FSTL4: variants seen among roughly 807,000 people sequenced by gnomAD.
The protein encoded by FSTL4 is follistatin like 4.
Under a neutral mutation model 78.2 loss-of-function variants are expected in FSTL4, and 28 were observed. The observed-to-expected ratio is 0.36, with a 90% CI of 0.27 to 0.49. The LOEUF (loss-of-function observed/expected upper bound fraction) is 0.49, where lower values mean the gene tolerates loss of function less well. Among genes scored for constraint, FSTL4 ranks in the 20% least tolerant of loss-of-function variants. The pLI is 0.98. For synonymous variants in FSTL4, 422 were observed against 440.5 expected, an observed-to-expected ratio of 0.96 and a Z score of 0.53; for missense variants, 922 against 1,084.9, an observed-to-expected ratio of 0.85 and a Z score of 2.11.
Position 133,539,038 on chromosome 5 carries a change from G to A in FSTL4, c.160+28148C>T, listed in dbSNP as rs532527061. ...TTATATGGTGGTTCGGGGATCCACC[G>A]TGAGCAATCTAGCCGGCAAGGTGAT... On this transcript the variant is annotated intron_variant, in intron 3 of 15. Transcript: ENST00000265342. Among the ~76,000 whole-genome samples the A allele has an allele frequency of 2.0e-3, 309 of 152,222 alleles. 1 individual carries two copies. The highest frequency in any genetic ancestry group is 0.01 in the Middle Eastern group (3 of 294).
At chr5:133,522,724 G>A (rs897117078) in intron 3 of FSTL4, among the ~76,000 whole-genome samples, 2 of 152,200 alleles carry the variant, frequency 1.3e-5, no homozygotes, top group Non-Finnish European at 2.9e-5. Flanking sequence ...CTTCAGGGCT[G>A]AGGGGCTTCA....
chr5:133,665,523 G>A, the FSTL4 span, among the ~76,000 whole-genome samples: 18 of 152,164 alleles, frequency 1.2e-4, no homozygotes, highest in African/African-American at 4.1e-4. Flanking sequence ...CCTCTGCCAC[G>A]GTGCTTGCCC....
At chr5:133,482,839 T>C (rs985788868) in intron 3 of FSTL4, among the ~76,000 whole-genome samples, 1 of 152,076 alleles carries the variant, frequency 6.6e-6, no homozygotes, top group African/African-American at 2.4e-5. Flanking sequence ...CTGCATTTCC[T>C]GGGAATGATG....
At chr5:133,565,073 A>G (rs27745) in intron 3 of FSTL4, among the ~76,000 whole-genome samples, 118,848 of 152,104 alleles carry the variant, frequency 0.78, 46,579 homozygotes, top group African/African-American at 0.83. Context: ...CTGTGACTGG[A>G]AGCTTCCTCT....
At chr5:133,622,061 T>A in the FSTL4 span, among the ~76,000 whole-genome samples, 13 of 152,184 alleles carry the variant, frequency 8.5e-5, no homozygotes, top group East Asian at 3.9e-4. Context: ...CCCTCCCCCC[T>A]TATCCCTAAT....
At position 133,345,522 on chromosome 5, in the gene FSTL4, C is replaced by A. The variant is rs186229336; in HGVS notation, c.410-28870G>T. Reference sequence around the variant, plus strand: ...CATGCCTACATCGTGAATGGTATTGCCTAGGTTTTCTTCTAGGGTTTTTAC... The same window carrying A: ...CATGCCTACATCGTGAATGGTATTGACTAGGTTTTCTTCTAGGGTTTTTAC... On this transcript the variant is annotated intron_variant, in intron 4 of 15. Transcript: ENST00000265342. Among the ~76,000 whole-genome samples, 297 of 152,248 alleles carry A rather than the reference C, an allele frequency of 2.0e-3. 2 individuals are homozygous for A. Among genetic ancestry groups the A allele is most frequent in the African/African-American group, 6.8e-3 (282 of 41,532 alleles).
intron 4 of FSTL4, among the ~76,000 whole-genome samples, chr5:133,377,455 C>T (rs1755463501): frequency 2.0e-5 from 3 of 150,594 alleles, no homozygotes; most frequent in African/African-American, 7.5e-5. Context: ...AAATGGAGAG[C>T]TCTGACTGAG....
chr5:133,215,369 C>T (rs1213438500), intron 13 of FSTL4, among the ~76,000 whole-genome samples: 7 of 152,142 alleles, frequency 4.6e-5, no homozygotes, highest in Admixed American at 1.3e-4. Context: ...CATATGGTGA[C>T]GATACCCAAA....
At chr5:133,679,915 C>G in the FSTL4 span, among the ~76,000 whole-genome samples, 1 of 152,154 alleles carries the variant, frequency 6.6e-6, no homozygotes, top group African/African-American at 2.4e-5. Flanking sequence ...TGTCACTACT[C>G]TCCCAAGAAG....
chr5:133,560,054 C>T (rs1295691284), intron 3 of FSTL4, among the ~76,000 whole-genome samples: 1 of 152,216 alleles, frequency 6.6e-6, no homozygotes, highest in Non-Finnish European at 1.5e-5. Context: ...GTGTCAGGGA[C>T]AGGGGACCCT....
the FSTL4 span, among the ~76,000 whole-genome samples, chr5:133,635,539 AGATCACCT>A: frequency 6.6e-6 from 1 of 152,150 alleles, no homozygotes; most frequent in South Asian, 2.1e-4. Context: ...CAAGGTGGGC[AGATCACCT>A]GAGGTCAGGA....
chr5:133,273,788 G>T (rs1387030395), intron 6 of FSTL4, among the ~76,000 whole-genome samples: 1 of 152,106 alleles, frequency 6.6e-6, no homozygotes, highest in Non-Finnish European at 1.5e-5. Context: ...CCCACTCCAG[G>T]GATAACAGGG....
At chr5:133,534,705 T>C (rs1759318074) in intron 3 of FSTL4, among the ~76,000 whole-genome samples, 1 of 152,216 alleles carries the variant, frequency 6.6e-6, no homozygotes. Flanking sequence ...ACCTAATTCA[T>C]GGAGACATTT....
chr5:133,401,801 T>C (rs72805041), intron 3 of FSTL4, among the ~76,000 whole-genome samples: 7,243 of 152,144 alleles, frequency 0.048, 181 homozygotes, highest in South Asian at 0.074. Flanking sequence ...AGCCGCCCTG[T>C]GGGTGGCATT....
At chr5:133,571,533 A>C (rs962145545) in intron 2 of FSTL4, among the ~76,000 whole-genome samples, 4 of 152,338 alleles carry the variant, frequency 2.6e-5, no homozygotes, top group African/African-American at 9.6e-5. Context: ...GGAAAATAGG[A>C]GAAAAGATGC....
intron 3 of FSTL4, among the ~76,000 whole-genome samples, chr5:133,491,710 TC>T (rs1378585843): frequency 6.6e-6 from 1 of 152,166 alleles, no homozygotes; most frequent in Non-Finnish European, 1.5e-5. Flanking sequence ...CCTAATTTTT[TC>T]TTTTAGTATT....
chr5:133,492,609 CT>C (rs2112869488), intron 3 of FSTL4, among the ~76,000 whole-genome samples: 1 of 152,050 alleles, frequency 6.6e-6, no homozygotes, highest in South Asian at 2.1e-4. Context: ...TTTTTTTCTT[CT>C]TTGGTCACTT....
chr5:133,487,544 T>C (rs1277725613), intron 3 of FSTL4, among the ~76,000 whole-genome samples: 1 of 152,178 alleles, frequency 6.6e-6, no homozygotes, highest in African/African-American at 2.4e-5. Flanking sequence ...CTTTCATTTA[T>C]TAAATGTAGA....
the FSTL4 span, among the ~76,000 whole-genome samples, chr5:133,651,103 T>A: frequency 6.6e-6 from 1 of 152,240 alleles, no homozygotes; most frequent in African/African-American, 2.4e-5. Context: ...AGCTGTGATA[T>A]AATTGCATAT....
Sources: gnomAD v4.1 joint callset for allele counts (sites outside exome capture counted in the v4.1 genomes callset) on GRCh38, gnomAD v4.1.1 for gene constraint, MANE v1.5 for transcripts, NCBI Gene and HGNC (gene_info 2026-07-23, HGNC 2026-07-21) for gene names.